Variants in IGSF9 observed in about 807,000 individuals in gnomAD.
IGSF9 encodes the protein protein turtle homolog A.
IGSF9 carries 87 observed loss-of-function variants against 121.7 expected under a neutral mutation model. That is an observed-to-expected ratio of 0.71 (90% CI 0.60 to 0.85). The LOEUF is 0.85. Ranked by LOEUF, IGSF9 falls within the 40% of genes least tolerant of loss-of-function variation. The probability of loss-of-function intolerance (pLI) is 0.00; values close to 1 mark genes in which losing one functional copy is unlikely to be tolerated. For missense variants in IGSF9, 1,462 were observed against 1,565.3 expected (o/e 0.93, Z 1.11); for synonymous variants, 640 against 648.4 (o/e 0.99, Z 0.20).
Position 159,934,411 on chromosome 1 carries a change from G to C in IGSF9, c.961+14C>G. ...AAGGGAGCAGGCTGAGGGAGAAGCT[G>C]GGGTCAGGCTTACAGAGCACAGTGA... On this transcript the variant is annotated intron_variant, in intron 8 of 20. Transcript: ENST00000368094. 1.3e-6 allele frequency: 2 copies of C among 1,573,252 alleles called. No homozygotes were observed. Among genetic ancestry groups the C allele is most frequent in the Non-Finnish European group, 1.7e-6 (2 of 1,159,048 alleles).
Position 159,928,615 on chromosome 1 carries a change from G to A in IGSF9, c.2773C>T (p.Gln925Ter). The A allele has an allele frequency of 6.7e-7, 1 of 1,494,846 alleles. No homozygotes were observed. The highest frequency in any genetic ancestry group is 8.9e-7 in the Non-Finnish European group (1 of 1,120,756). The allele number at this position is 1,494,846 out of a possible 1,614,324, so 92.6% of individuals were successfully genotyped here. The part of the protein sequence containing the change: ...SPLPGPGPLL[Q>*]YLSLPFFREM... ...CGGAAGAAGGGCAGGCTCAGGTACT[G>A]GAGCAGGGGTCCAGGACCTGGCAAG... Residue 925 changes from glutamine (Q) to a stop codon, truncating the protein, a stop_gained, in exon 19 of 21, where the codon CAG becomes TAG. Transcript: ENST00000368094. LOFTEE classifies it high-confidence loss of function.
chr1:159,930,923 T>C lies in IGSF9; in HGVS notation c.1638-56A>G. On this transcript the variant is annotated intron_variant, in intron 13 of 20. Coordinates refer to ENST00000368094, the MANE Select transcript of IGSF9 (RefSeq NM_001135050.2). ...CGTGAGCTAGGAAGACCAGAAGATC[T>C]GGGGTCCAGAGATCTAACCACCTCC... 4 of 1,513,928 alleles carry C rather than the reference T, an allele frequency of 2.6e-6. No individual in the cohort carries two copies. The Admixed American group carries it at 9.0e-5, about 34-fold the overall frequency. 93.8% of individuals were successfully genotyped at this position (1,513,928 alleles called of 1,614,324 possible). A position where few individuals can be genotyped will look rare whatever the true frequency, so the allele number is the denominator to read the frequency against.
At chr1:159,937,557 G>A (rs1025707975) in intron 4 of IGSF9, 129 bp downstream of exon 4, 33 of 990,266 alleles carry the variant, frequency 3.3e-5, no homozygotes, top group Non-Finnish European at 4.7e-5. Flanking sequence ...GGGCTCTCAG[G>A]AAGGGTGGGG....
Position 159,934,736 on chromosome 1 carries a change from G to T in IGSF9, c.760C>A (p.Pro254Thr). 1 of 1,614,204 alleles carries T rather than the reference G, an allele frequency of 6.2e-7. No homozygotes were observed. Among genetic ancestry groups the T allele is most frequent in the South Asian group, 1.1e-5 (1 of 91,084 alleles). Residue 254 changes from proline (P) to threonine (T), a missense_variant, in exon 7 of 21, where the codon CCT (proline) becomes ACT (threonine). Physicochemically the swap from Pro to Thr is conservative, Grantham distance 38. This residue lies in a region of IGSF9 where 558 missense variants were observed against 599.4 expected (regional missense o/e 0.93). Transcript: ENST00000368094. ...AACCAGCTGTAGGTGAGGTTAGCAG[G>T]GTATGCCTCAGCATGGCAGGCCAAT... is the stretch of plus-strand genomic sequence containing the variant. ...VSLACHAEAY[P>T]ANLTYSWFQD... is the part of the protein sequence containing the mutation.
rs1309559804 is a variant in IGSF9, at chr1:159,928,339, G to C, written c.3049C>G (p.Pro1017Ala). 2 of 1,609,738 alleles carry C rather than the reference G, an allele frequency of 1.2e-6. No homozygotes were observed. The highest frequency in any genetic ancestry group is 1.1e-5 in the South Asian group (1 of 90,506). Residue 1017 changes from proline (P) to alanine (A), a missense_variant, in exon 19 of 21, where the codon CCT becomes GCT. Coordinates refer to ENST00000368094, the MANE Select transcript of IGSF9 (RefSeq NM_001135050.2). ...RLLPGLLPAA[P>A]RGSLTSQSSG... ...CTCTGGCTGGTGAGGCTGCCTCGAG[G>C]GGCAGCAGGGAGAAGGCCTGGCAGC... is the stretch of plus-strand genomic sequence containing the variant.
intron 3 of IGSF9, among the ~76,000 whole-genome samples, chr1:159,942,733 T>A (rs187188624): frequency 3.0e-5 from 4 of 132,498 alleles, no homozygotes; most frequent in African/African-American, 1.2e-4. Context: ...AGCACAGCTA[T>A]AAGAGTGTGA....
intron 3 of IGSF9, among the ~76,000 whole-genome samples, chr1:159,941,015 C>T (rs578015218): frequency 6.6e-6 from 1 of 152,222 alleles, no homozygotes; most frequent in South Asian, 2.1e-4. Flanking sequence ...GCTTTACACA[C>T]AGCAGCTAAC....
intron 15 of IGSF9, 70 bp downstream of exon 15, chr1:159,930,119 G>T: frequency 6.4e-7 from 1 of 1,553,760 alleles, no homozygotes; most frequent in Non-Finnish European, 8.7e-7. Context: ...AGAAGATAGA[G>T]TTTGGGGAAT....
rs1008736075 is a variant in IGSF9, at chr1:159,930,173, C to T, written c.2064+16G>A. The T allele has an allele frequency of 1.3e-6, 2 of 1,587,632 alleles. No homozygotes were observed. The highest frequency in any genetic ancestry group is 1.7e-4 in the Middle Eastern group (1 of 5,916). On this transcript the variant is annotated intron_variant, in intron 15 of 20. Transcript: ENST00000368094. ...GCCCCTAGGAGGCCTCTCTCTGTAT[C>T]GCCTTTCGCACATACCTTGATGAGG...
chr1:159,930,683 G>A lies in IGSF9; in HGVS notation c.1813+9C>T. 6.8e-6 allele frequency: 11 copies of A among 1,613,978 alleles called. No homozygotes were observed. Among genetic ancestry groups the A allele is most frequent in the Non-Finnish European group, 9.3e-6 (11 of 1,179,920 alleles). On this transcript the variant is annotated intron_variant, in intron 14 of 20. Coordinates refer to ENST00000368094, the MANE Select transcript of IGSF9 (RefSeq NM_001135050.2). Reference sequence around the variant, plus strand: ...TGTCTCTGCTGTTCTGGGACGAGAAGCTTCTCACCTTCCGGAGCAGACAAG... The same window carrying A: ...TGTCTCTGCTGTTCTGGGACGAGAAACTTCTCACCTTCCGGAGCAGACAAG...
intron 17 of IGSF9, 79 bp from the exon 18 acceptor site, chr1:159,929,472 G>A (rs1650891677): frequency 3.2e-6 from 5 of 1,557,790 alleles, no homozygotes; most frequent in Admixed American, 1.7e-5. Flanking sequence ...CCCAACACCA[G>A]GCGCCCAACC....
rs368181813 is a variant in IGSF9, at chr1:159,934,770, C to G, written c.726G>C (p.Gln242His). 5 of 1,614,030 alleles carry G rather than the reference C, an allele frequency of 3.1e-6. No homozygotes were observed. Among genetic ancestry groups the G allele is most frequent in the Non-Finnish European group, 3.4e-6 (4 of 1,180,020 alleles). Reference protein sequence around the residue: ...PPKNSTVNASQDVSLACHAEA... With the variant: ...PPKNSTVNASHDVSLACHAEA... ...CAGCATGGCAGGCCAATGAAACATC[C>G]TGGGAGGCATTGACTGTGCTGTTCT... Residue 242 changes from glutamine to histidine, a missense_variant, in exon 7 of 21, where the codon CAG becomes CAC. Physicochemically the swap from Gln to His is conservative, Grantham distance 24. This residue lies in a region of IGSF9 where 558 missense variants were observed against 599.4 expected (regional missense o/e 0.93). Coordinates refer to ENST00000368094, the MANE Select transcript of IGSF9 (RefSeq NM_001135050.2).
chr1:159,927,583 C>G, intron 20 of IGSF9, 57 bp from the exon 21 acceptor site: 4 of 1,579,842 alleles, frequency 2.5e-6, no homozygotes, highest in Non-Finnish European at 3.5e-6. Context: ...GAGTGAAGAG[C>G]TCAGATGTGA....
rs754561359 is a variant in IGSF9 at position 159,931,532 on chromosome 1, C to T, written c.1434G>A (p.Lys478=). 16 of 1,614,156 alleles carry T rather than the reference C, an allele frequency of 9.9e-6. No individual in the cohort carries two copies. The African/African-American group carries it at 1.5e-4, about 15-fold the overall frequency. The change falls in exon 12 of 21, where the codon AAG becomes AAA. Residue 478 remains lysine, a synonymous_variant. Coordinates refer to ENST00000368094, the MANE Select transcript of IGSF9 (RefSeq NM_001135050.2). The surrounding 1 kb of genome is among the most constrained non-coding windows in gnomAD (Gnocchi z 4.8). The stretch of plus-strand genomic sequence containing the variant: ...TGCATTCCCAGTGCCCGTGGGCCTC[C>T]TTGGTCAATGGTCGCAGGATGAGGC... ...NSSLILRPLT[K]EAHGHWECSA...
At chr1:159,934,644 T>A in intron 7 of IGSF9, 37 bp downstream of exon 7, 1 of 1,614,028 alleles carries the variant, frequency 6.2e-7, no homozygotes, top group South Asian at 1.1e-5. Context: ...TGTTTGTGAA[T>A]TCCCCACCTC....
chr1:159,937,724 T>C lies in IGSF9; in HGVS notation c.362A>G (p.Asp121Gly), dbSNP rs1324000469. ...ATGCACCCAGGAGCCGTTAGCAAAA[T>C]CGTCTTCAGGGATGTGCTGGTCCAG... ...FFLDQHIPED[D>G]FANGSWVHLT... Residue 121 changes from aspartate to glycine, a missense_variant, in exon 4 of 21, where the codon GAT becomes GGT. Asp to Gly is a moderately conservative substitution (Grantham distance 94). Coordinates refer to ENST00000368094, the MANE Select transcript of IGSF9 (RefSeq NM_001135050.2). The C allele has an allele frequency of 6.2e-7, 1 of 1,613,864 alleles. No individual in the cohort carries two copies. Among genetic ancestry groups the C allele is most frequent in the South Asian group, 1.1e-5 (1 of 91,072 alleles).
Position 159,934,804 on chromosome 1 carries a change from A to G in IGSF9, c.692T>C (p.Val231Ala). Residue 231 changes from valine to alanine, a missense_variant, in exon 7 of 21, where the codon GTG becomes GCG. Val to Ala is a moderately conservative substitution (Grantham distance 64). Transcript: ENST00000368094. The part of the protein sequence containing the change: ...LLVLGPPVIV[V>A]PPKNSTVNAS... ...ATTGACTGTGCTGTTCTTGGGGGGC[A>G]CCACGATGACTGGGGGTCCTGTGGG... 1.2e-6 allele frequency: 2 copies of G among 1,614,104 alleles called. No individual in the cohort carries two copies. The highest frequency in any genetic ancestry group is 1.7e-6 in the Non-Finnish European group (2 of 1,179,998).
Position 159,936,522 on chromosome 1 carries a change from G to T in IGSF9, c.556-6C>A. On this transcript the variant is annotated splice_region_variant and splice_polypyrimidine_tract_variant and intron_variant, in intron 5 of 20. Coordinates refer to ENST00000368094, the MANE Select transcript of IGSF9 (RefSeq NM_001135050.2). ...CGCAGCGTCCCGTTCTGCACCTAGG[G>T]AAGGAGTGGGTGAGGAAGAGTCCTT... 6.2e-7 allele frequency: 1 copy of T among 1,613,336 alleles called. No individual in the cohort carries two copies. Among genetic ancestry groups the T allele is most frequent in the Non-Finnish European group, 8.5e-7 (1 of 1,179,502 alleles).
At chr1:159,944,085 G>A (rs1239427576) in intron 1 of IGSF9, among the ~76,000 whole-genome samples, 1 of 152,160 alleles carries the variant, frequency 6.6e-6, no homozygotes, top group Non-Finnish European at 1.5e-5. Context: ...TGGAACCAGT[G>A]CTGTCGCCTT....
Sources: gnomAD v4.1 joint callset for allele counts (sites outside exome capture counted in the v4.1 genomes callset) on GRCh38, gnomAD v4.1.1 for gene constraint, gnomAD v4.1.1 regional missense constraint, Gnocchi (gnomAD v3.1) non-coding constraint, MANE v1.5 for transcripts, NCBI Gene and HGNC (gene_info 2026-07-23, HGNC 2026-07-21) for gene names.